The following DNAH9 variants were observed in gnomAD, a reference collection of about 807,000 sequenced individuals.
DNAH9 encodes DNAH9 variant protein.
In DNAH9, 345 loss-of-function variants were observed where a neutral mutation model predicts 471.6. The observed-to-expected ratio is 0.73, with a 90% CI of 0.67 to 0.80. DNAH9 has a LOEUF of 0.80. Among genes scored for constraint, DNAH9 ranks in the 30% least tolerant of loss-of-function variants. DNAH9 has a pLI of 0.00. For synonymous variants in DNAH9, 2,093 were observed against 2,123.6 expected, an observed-to-expected ratio of 0.99 and a Z score of 0.40; for missense variants, 5,407 against 5,609.2, an observed-to-expected ratio of 0.96 and a Z score of 1.15.
intron 53 of DNAH9, among the ~76,000 whole-genome samples, chr17:11,878,380 G>T (rs1269631855): frequency 6.6e-6 from 1 of 152,036 alleles, no homozygotes; most frequent in African/African-American, 2.4e-5. Context: ...CGTCTCATTT[G>T]TCTTTTAATT....
chr17:11,617,387 C>T, intron 4 of DNAH9, 24 bp from the exon 5 acceptor site: 2 of 1,573,402 alleles, frequency 1.3e-6, no homozygotes, highest in Non-Finnish European at 8.7e-7. Context: ...GATGGGAATG[C>T]TGACCATCTC....
chr17:11,818,521 T>C (rs1398021103), intron 45 of DNAH9, among the ~76,000 whole-genome samples: 1 of 152,146 alleles, frequency 6.6e-6, no homozygotes, highest in Non-Finnish European at 1.5e-5. Flanking sequence ...CTAACATTTC[T>C]GTCAGTTACA....
intron 38 of DNAH9, among the ~76,000 whole-genome samples, chr17:11,770,621 T>G (rs577681325): frequency 6.6e-6 from 1 of 152,288 alleles, no homozygotes; most frequent in Non-Finnish European, 1.5e-5. Flanking sequence ...AGCAACTGAC[T>G]GTAGTTCAGA....
intron 67 of DNAH9, among the ~76,000 whole-genome samples, chr17:11,958,167 G>T (rs1422733069): frequency 1.3e-5 from 2 of 152,150 alleles, no homozygotes; most frequent in African/African-American, 2.4e-5. Context: ...AATATGAAAA[G>T]GCTACATACT....
intron 36 of DNAH9, among the ~76,000 whole-genome samples, 180 bp downstream of exon 36, chr17:11,763,794 T>C (rs1291630364): frequency 6.6e-6 from 1 of 152,180 alleles, no homozygotes; most frequent in Non-Finnish European, 1.5e-5. Context: ...CCAGACCTCA[T>C]AGGGTGAGAT....
At chr17:11,868,021 C>CT (rs1226390180) in intron 50 of DNAH9, among the ~76,000 whole-genome samples, 1 of 152,218 alleles carries the variant, frequency 6.6e-6, no homozygotes, top group Non-Finnish European at 1.5e-5. Context: ...ACAGCTAACT[C>CT]TAAGTTGTCA....
intron 26 of DNAH9, 123 bp from the exon 27 acceptor site, chr17:11,719,211 A>C: frequency 2.1e-6 from 2 of 959,296 alleles, no homozygotes; most frequent in South Asian, 1.7e-5. Context: ...GGGAGCGGGA[A>C]AAAGGGGCAG....
At position 11,624,365 on chromosome 17, in the gene DNAH9, C is replaced by T. The variant is rs1471189909; in HGVS notation, c.1350+4584C>T. 3.3e-5 allele frequency among the ~76,000 whole-genome samples: 5 copies of T among 152,018 alleles called. No homozygotes were observed. In the South Asian group the frequency reaches 8.3e-4, roughly 25 times the overall value. ...CTCTACTAAAAATACAAAAATTAGC[C>T]GGGCATGGCGGCATACCCGTGTAAT... On this transcript the variant is annotated intron_variant, in intron 6 of 68. Transcript: ENST00000262442.
At position 11,871,614 on chromosome 17, in the gene DNAH9, C is replaced by T. The variant is rs146871107; in HGVS notation, c.10070C>T (p.Ser3357Phe). The change falls in exon 52 of 69, where the codon TCT (serine) becomes TTT (phenylalanine). Residue 3357 changes from serine (S) to phenylalanine (F), a missense_variant. Transcript: ENST00000262442. The stretch of plus-strand genomic sequence containing the variant: ...AAATGGTAGGTTGGAGGACTCGCTT[C>T]TGAAAACGTGAGGTGGGCAGATGCC... ...LANRLVGGLASENVRWADAVQ... is the reference protein window; with the variant it reads ...LANRLVGGLAFENVRWADAVQ... 2.6e-3 allele frequency: 4,225 copies of T among 1,613,886 alleles called. 14 individuals are homozygous for T. Among genetic ancestry groups the T allele is most frequent in the Non-Finnish European group, 3.2e-3 (3,749 of 1,179,742 alleles).
In DNAH9 at chr17:11,651,286, T is replaced by C; in HGVS notation, c.2315T>C (p.Leu772Pro). The C allele has an allele frequency of 6.2e-7, 1 of 1,613,826 alleles. No homozygotes were observed. Among genetic ancestry groups the C allele is most frequent in the Non-Finnish European group, 8.5e-7 (1 of 1,179,850 alleles). Residue 772 changes from leucine (L) to proline (P), a missense_variant, in exon 13 of 69, where the codon CTC becomes CCC. By Grantham distance (98) the Leu-to-Pro change is moderately conservative. Around this residue, in one of 3 missense-constraint regions of DNAH9, gnomAD observed 4,636 missense variants for 4,900.3 expected, o/e 0.95. Transcript: ENST00000262442. ...GAGCTGCAAAATATTGATCTCCGCC[T>C]CAGAGCAGCAGAGGAGACTTTGAAC... ...EEELQNIDLRLRAAEETLNWK... is the reference protein window; with the variant it reads ...EEELQNIDLRPRAAEETLNWK...
intron 35 of DNAH9, among the ~76,000 whole-genome samples, chr17:11,760,745 C>G (rs1967629965): frequency 6.6e-6 from 1 of 152,138 alleles, no homozygotes; most frequent in South Asian, 2.1e-4. Context: ...GTCTCAATCT[C>G]TTGACCTCGT....
intron 53 of DNAH9, among the ~76,000 whole-genome samples, chr17:11,878,240 C>A (rs912300412): frequency 5.9e-5 from 3 of 51,004 alleles, no homozygotes; most frequent in African/African-American, 1.1e-4. Flanking sequence ...TCAATTAATT[C>A]TTAGTTCATG....
At chr17:11,757,072 A>G (rs996137818) in intron 34 of DNAH9, among the ~76,000 whole-genome samples, 2 of 152,132 alleles carry the variant, frequency 1.3e-5, no homozygotes, top group African/African-American at 4.8e-5. Context: ...AAACTTAAAG[A>G]AGCAGGGAGT....
Position 11,744,849 on chromosome 17 carries a change from G to A in DNAH9, c.6164G>A (p.Gly2055Glu). Residue 2055 changes from glycine to glutamate, a missense_variant, in exon 31 of 69, where the codon GGA (glycine) becomes GAA (glutamate). Around this residue, in one of 3 missense-constraint regions of DNAH9, gnomAD observed 4,636 missense variants for 4,900.3 expected, o/e 0.95. Transcript: ENST00000262442. Reference sequence around the variant, plus strand: ...ATCAAGTCCGTGCTGGTGGTGGCAGGATCCCTGAAGAGAGGAGACCCTGAC... The same window carrying A: ...ATCAAGTCCGTGCTGGTGGTGGCAGAATCCCTGAAGAGAGGAGACCCTGAC... ...RAIKSVLVVA[G>E]SLKRGDPDRP... 6.2e-7 allele frequency: 1 copy of A among 1,614,188 alleles called. No individual in the cohort carries two copies. The highest frequency in any genetic ancestry group is 8.5e-7 in the Non-Finnish European group (1 of 1,180,020).
chr17:11,915,953 C>A (rs1973941228), intron 61 of DNAH9, among the ~76,000 whole-genome samples: 1 of 152,098 alleles, frequency 6.6e-6, no homozygotes, highest in African/African-American at 2.4e-5. Context: ...TTTACCACTG[C>A]CTAATAGCAT....
chr17:11,935,905 G>A (rs1974696532), intron 65 of DNAH9, among the ~76,000 whole-genome samples: 1 of 152,162 alleles, frequency 6.6e-6, no homozygotes, highest in African/African-American at 2.4e-5. Flanking sequence ...GAAAATAAGA[G>A]GAAATGTTTT....
At chr17:11,948,224 CT>C (rs1211322234) in intron 67 of DNAH9, among the ~76,000 whole-genome samples, 9,088 of 86,904 alleles carry the variant, frequency 0.1, 93 homozygotes, top group East Asian at 0.12. Context: ...TAATCTGGCT[CT>C]TTTTTTTTTT....
chr17:11,799,703 C>A (rs1158375606), intron 43 of DNAH9, among the ~76,000 whole-genome samples: 6 of 152,186 alleles, frequency 3.9e-5, no homozygotes, highest in African/African-American at 1.4e-4. Context: ...TCTGCCTCAG[C>A]CTCTGAAGTA....
intron 26 of DNAH9, among the ~76,000 whole-genome samples, chr17:11,715,196 T>C (rs937996686): frequency 3.3e-5 from 5 of 152,200 alleles, no homozygotes; most frequent in African/African-American, 9.7e-5. Context: ...ATCTTCCAGT[T>C]GAATATCTGT....
Sources: gnomAD v4.1 joint callset for allele counts (sites outside exome capture counted in the v4.1 genomes callset) on GRCh38, gnomAD v4.1.1 for gene constraint, gnomAD v4.1.1 regional missense constraint, MANE v1.5 for transcripts, NCBI Gene and HGNC (gene_info 2026-07-23, HGNC 2026-07-21) for gene names.